The following AGPAT3 variants were observed in gnomAD, a reference collection of about 807,000 sequenced individuals.
AGPAT3 encodes the protein 1-acyl-sn-glycerol-3-phosphate acyltransferase gamma.
Under a neutral mutation model 47.3 loss-of-function variants are expected in AGPAT3, and 5 were observed. The ratio of observed to expected loss-of-function variants is 0.11; its 90% CI spans 0.06 to 0.22. The LOEUF (loss-of-function observed/expected upper bound fraction) is 0.22, where lower values mean the gene tolerates loss of function less well. Ranked by LOEUF, AGPAT3 falls within the 10% of genes least tolerant of loss-of-function variation. The pLI is 1.00. For missense variants in AGPAT3, 315 were observed against 493.0 expected (o/e 0.64, Z 3.42); for synonymous variants, 212 against 208.3 (o/e 1.02, Z -0.15).
chr21:43,973,767 G>A (rs2089492889), intron 7 of AGPAT3, among the ~76,000 whole-genome samples: 1 of 152,184 alleles, frequency 6.6e-6, no homozygotes, highest in African/African-American at 2.4e-5. Flanking sequence ...CATGGGGCTG[G>A]CCCTCTTTCC....
Position 43,934,143 on chromosome 21 carries a change from G to A in AGPAT3, c.-48-25491G>A, listed in dbSNP as rs1460041908. Among the ~76,000 whole-genome samples the A allele has an allele frequency of 1.3e-5, 2 of 152,196 alleles. No individual in the cohort carries two copies. The highest frequency in any genetic ancestry group is 6.5e-5 in the Admixed American group (1 of 15,280). On this transcript the variant is annotated intron_variant, in intron 2 of 9. Coordinates refer to ENST00000291572, the MANE Select transcript of AGPAT3 (RefSeq NM_020132.5). The surrounding 1 kb of genome is among the most constrained non-coding windows in gnomAD (Gnocchi z 4.7). ...GATGCTGGAGAACAGGCAGACATGG[G>A]TGCCCGGCACGCCAGCTCCCCGAGC...
chr21:43,881,194 G>T (rs933747112), intron 1 of AGPAT3, among the ~76,000 whole-genome samples: 2 of 152,090 alleles, frequency 1.3e-5, no homozygotes, highest in South Asian at 2.1e-4. Context: ...TTTATTTTGT[G>T]CCTTGTGATT....
Position 43,984,681 on chromosome 21 carries a change from ATT to A in AGPAT3, c.*2300_*2301del, listed in dbSNP as rs371899575. ...TAAAAACTACACCATGAATGTTTGA[ATT>A]TTTTTTTTTTGGGGGGGGGAGGGTG... is the stretch of plus-strand genomic sequence containing the variant. On this transcript the variant is annotated 3_prime_UTR_variant, in exon 10 of 10. Transcript: ENST00000291572. The A allele has an allele frequency of 0.017, 2,111 of 125,422 alleles. 61 individuals are homozygous for A. The highest frequency in any genetic ancestry group is 0.063 in the African/African-American group (1,953 of 30,760). The allele number at this position is 125,422 out of a possible 1,614,324, so 7.8% of individuals were successfully genotyped here. A position where few individuals can be genotyped will look rare whatever the true frequency, so the allele number is the denominator to read the frequency against.
intron 2 of AGPAT3, among the ~76,000 whole-genome samples, chr21:43,911,831 G>A (rs762520424): frequency 6.6e-6 from 1 of 152,210 alleles, no homozygotes; most frequent in African/African-American, 2.4e-5. Context: ...AGACGGGGGC[G>A]GTGGCTTTCG....
chr21:43,868,687 C>T (rs753572114), intron 1 of AGPAT3, among the ~76,000 whole-genome samples: 3 of 152,162 alleles, frequency 2.0e-5, no homozygotes, highest in Non-Finnish European at 2.9e-5. Context: ...AGCTGAGTAC[C>T]GGCGCTGCAG....
chr21:43,892,405 T>C (rs8130486), intron 1 of AGPAT3, among the ~76,000 whole-genome samples: 16,825 of 152,186 alleles, frequency 0.11, 1,832 homozygotes, highest in African/African-American at 0.28. Context: ...CATCTCCTTG[T>C]GCATCTCCCC....
Position 43,987,182 on chromosome 21 carries a change from A to C in AGPAT3, c.*4790A>C, listed in dbSNP as rs2030382081. ...GTTTCTTCGTTTCCAGTCTGCATAG[A>C]TGTCTCCAAGGGGAAACCAGGGCCA... On this transcript the variant is annotated 3_prime_UTR_variant, in exon 10 of 10. Transcript: ENST00000291572. 6.6e-6 allele frequency among the ~76,000 whole-genome samples: 1 copy of C among 152,202 alleles called. No homozygotes were observed. Among genetic ancestry groups the C allele is most frequent in the Non-Finnish European group, 1.5e-5 (1 of 68,032 alleles).
Position 43,903,951 on chromosome 21 carries a change from T to G in AGPAT3, c.-111-6T>G, listed in dbSNP as rs2086420783. The G allele has an allele frequency of 6.6e-6, 1 of 152,374 alleles. No homozygotes were observed. Among genetic ancestry groups the G allele is most frequent in the South Asian group, 2.1e-4 (1 of 4,836 alleles). The allele number at this position is 152,374 out of a possible 1,614,324, so 9.4% of individuals were successfully genotyped here. On this transcript the variant is annotated splice_region_variant and splice_polypyrimidine_tract_variant and intron_variant, in intron 1 of 9. Coordinates refer to ENST00000291572, the MANE Select transcript of AGPAT3 (RefSeq NM_020132.5). ...GCACGTTGACATGTGTGCCTTTCACTTTCAGGCTTGTCCAGCCGGAAGCCC... is the reference window on the plus strand; with the variant it reads ...GCACGTTGACATGTGTGCCTTTCACGTTCAGGCTTGTCCAGCCGGAAGCCC...
intron 1 of AGPAT3, among the ~76,000 whole-genome samples, chr21:43,903,691 G>A (rs777127981): frequency 3.9e-4 from 59 of 152,222 alleles, no homozygotes; most frequent in Admixed American, 4.6e-4. Context: ...GACCTCTGGC[G>A]GCTCCGGGAC....
chr21:43,916,810 G>T (rs1045446060), intron 2 of AGPAT3, among the ~76,000 whole-genome samples: 1 of 152,110 alleles, frequency 6.6e-6, no homozygotes, highest in Non-Finnish European at 1.5e-5. Flanking sequence ...CAGCACAGAC[G>T]CCTGCATCTT....
chr21:43,969,419 C>T (rs2089298978), intron 5 of AGPAT3, 140 bp downstream of exon 5: 7 of 1,105,130 alleles, frequency 6.3e-6, no homozygotes, highest in Admixed American at 2.5e-5. Context: ...GGGGCCATGA[C>T]TCCCCCATCT....
chr21:43,979,215 G>A (rs569028400), intron 8 of AGPAT3, among the ~76,000 whole-genome samples: 3 of 142,624 alleles, frequency 2.1e-5, no homozygotes, highest in South Asian at 4.4e-4. Context: ...CAGGAGAATC[G>A]CTTGAACCCA....
chr21:43,900,880 G>A (rs904303848), intron 1 of AGPAT3, among the ~76,000 whole-genome samples: 7 of 152,166 alleles, frequency 4.6e-5, no homozygotes, highest in African/African-American at 7.2e-5. Context: ...AACAAAGCCC[G>A]GAGATGCAGG....
intron 2 of AGPAT3, chr21:43,946,968 C>T (rs2087922906): frequency 1.3e-5 from 2 of 152,402 alleles, no homozygotes. Flanking sequence ...TTCCACATCC[C>T]TCCACCTCCC....
intron 7 of AGPAT3, among the ~76,000 whole-genome samples, chr21:43,975,728 T>G (rs141874762): frequency 2.7e-4 from 41 of 152,332 alleles, no homozygotes; most frequent in African/African-American, 8.7e-4. Flanking sequence ...TTTGGGTTTT[T>G]TTTGTTTGTT....
rs373880358 is a variant in AGPAT3 at position 43,971,517 on chromosome 21, G to A, written c.767+27G>A. On this transcript the variant is annotated intron_variant, in intron 7 of 9. Coordinates refer to ENST00000291572, the MANE Select transcript of AGPAT3 (RefSeq NM_020132.5). ...TGAGGCCAGACCCTGTGGCTCTCGCGCCGCCCCCCATACCTTCATGAGCTT... is the reference window on the plus strand; with the variant it reads ...TGAGGCCAGACCCTGTGGCTCTCGCACCGCCCCCCATACCTTCATGAGCTT... 211 of 1,607,108 alleles carry A rather than the reference G, an allele frequency of 1.3e-4. No homozygotes were observed. In the African/African-American group the frequency reaches 2.5e-3, roughly 19 times the overall value.
At chr21:43,979,928 A>C in intron 8 of AGPAT3, among the ~76,000 whole-genome samples, 1 of 152,216 alleles carries the variant, frequency 6.6e-6, no homozygotes, top group Middle Eastern at 3.2e-3. Context: ...AAAGAGATCA[A>C]CTAGAAAAAA....
At chr21:43,918,527 C>T (rs2086811299) in intron 2 of AGPAT3, among the ~76,000 whole-genome samples, 1 of 151,202 alleles carries the variant, frequency 6.6e-6, no homozygotes, top group East Asian at 1.9e-4. Context: ...AAATGGGGGA[C>T]ACTTGGTTAC....
chr21:43,871,810 T>C (rs1310283874), intron 1 of AGPAT3, among the ~76,000 whole-genome samples: 1 of 152,258 alleles, frequency 6.6e-6, no homozygotes, highest in African/African-American at 2.4e-5. Context: ...ATGTTCATCT[T>C]TGGCTGTAAT....
Sources: gnomAD v4.1 joint callset for allele counts (sites outside exome capture counted in the v4.1 genomes callset) on GRCh38, gnomAD v4.1.1 for gene constraint, Gnocchi (gnomAD v3.1) non-coding constraint, MANE v1.5 for transcripts, NCBI Gene and HGNC (gene_info 2026-07-23, HGNC 2026-07-21) for gene names.